The following NUP93 variants were observed in gnomAD, a reference collection of about 807,000 sequenced individuals.
The protein encoded by NUP93 is nucleoporin 93.
NUP93 carries 55 observed loss-of-function variants against 107.8 expected under a neutral mutation model. The ratio of observed to expected loss-of-function variants is 0.51; its 90% CI spans 0.41 to 0.64. NUP93 has a LOEUF of 0.64. NUP93 is among the 30% of genes least tolerant of loss of function. The probability of loss-of-function intolerance (pLI) is 0.00; values close to 1 mark genes in which losing one functional copy is unlikely to be tolerated. For synonymous variants in NUP93, 390 were observed against 397.5 expected, an observed-to-expected ratio of 0.98 and a Z score of 0.22; for missense variants, 937 against 1,044.7, an observed-to-expected ratio of 0.90 and a Z score of 1.42.
rs551273132 is a variant in NUP93 at position 56,788,260 on chromosome 16, C to T, written c.298-10216C>T. Among the ~76,000 whole-genome samples, 5 of 152,330 alleles carry T rather than the reference C, an allele frequency of 3.3e-5. No individual in the cohort carries two copies. In the South Asian group the frequency reaches 6.2e-4, roughly 19 times the overall value. ...CCAGCAGAGGCCCTTCCACCACAGC[C>T]TGGCACATCCTGCTGCATCACGGCC... On this transcript the variant is annotated intron_variant, in intron 3 of 21. Coordinates refer to ENST00000308159, the MANE Select transcript of NUP93 (RefSeq NM_014669.5).
At chr16:56,772,611 C>T (rs754292252) in intron 3 of NUP93, among the ~76,000 whole-genome samples, 1 of 152,244 alleles carries the variant, frequency 6.6e-6, no homozygotes, top group African/African-American at 2.4e-5. Flanking sequence ...GCCTTGCTGT[C>T]TATCAGAGGT....
At chr16:56,748,537 A>C in intron 2 of NUP93, 111 bp downstream of exon 2, 1 of 911,044 alleles carries the variant, frequency 1.1e-6, no homozygotes, top group African/African-American at 1.7e-5. Flanking sequence ...GCCACTAGCC[A>C]GATTCTTGGG....
At chr16:56,758,779 A>G in intron 3 of NUP93, 124 bp downstream of exon 3, 1 of 683,814 alleles carries the variant, frequency 1.5e-6, no homozygotes, top group Non-Finnish European at 2.6e-6. Flanking sequence ...TTCCTCAGAT[A>G]TTAAGAGAAC....
At chr16:56,839,816 AAAATACAGTCACTT>A (rs1309582937) in intron 20 of NUP93, 22 of 532,506 alleles carry the variant, frequency 4.1e-5, no homozygotes, top group Non-Finnish European at 7.5e-5. Context: ...CCTAATTGAG[AAAATACAGTCACTT>A]CAGTGATTGA....
chr16:56,769,560 G>A (rs1323445690), intron 3 of NUP93, among the ~76,000 whole-genome samples: 1 of 152,050 alleles, frequency 6.6e-6, no homozygotes, highest in Non-Finnish European at 1.5e-5. Flanking sequence ...CTAAAGCTCA[G>A]CCTATTATTT....
intron 8 of NUP93, among the ~76,000 whole-genome samples, chr16:56,827,536 A>G (rs1422167348): frequency 6.6e-6 from 1 of 152,232 alleles, no homozygotes; most frequent in East Asian, 1.9e-4. Context: ...AAGCAAGTGA[A>G]TCATATCTAG....
At chr16:56,843,027 T>TG (rs1964057552) in intron 21 of NUP93, among the ~76,000 whole-genome samples, 1 of 152,204 alleles carries the variant, frequency 6.6e-6, no homozygotes, top group Non-Finnish European at 1.5e-5. Flanking sequence ...CCCACAGGCA[T>TG]GGTTGTTGAC....
rs1272463760 is a variant in NUP93 at position 56,846,821 on chromosome 16, A to T, written c.*2212A>T. ...TAGAAATATAACAATGCCACAAATG[A>T]GAAGGCTCAAGTTGTTTAAATACAT... On this transcript the variant is annotated 3_prime_UTR_variant, in exon 22 of 22. Coordinates refer to ENST00000308159, the MANE Select transcript of NUP93 (RefSeq NM_014669.5). The T allele has an allele frequency of 6.6e-6, 1 of 152,244 alleles. No homozygotes were observed. The highest frequency in any genetic ancestry group is 1.5e-5 in the Non-Finnish European group (1 of 68,040). 9.4% of individuals were successfully genotyped at this position (152,244 alleles called of 1,614,324 possible).
chr16:56,830,825 A>C, intron 10 of NUP93, 140 bp downstream of exon 10: 1 of 714,830 alleles, frequency 1.4e-6, no homozygotes, highest in Non-Finnish European at 2.1e-6. Flanking sequence ...GAAAGCAAAT[A>C]GAACTCTCTT....
At chr16:56,755,505 G>A (rs1962002523) in intron 2 of NUP93, among the ~76,000 whole-genome samples, 1 of 152,032 alleles carries the variant, frequency 6.6e-6, no homozygotes, top group Admixed American at 6.6e-5. Context: ...TTGGTCAGGG[G>A]TTGCTTTTTG....
At chr16:56,774,880 AG>A (rs1459618518) in intron 3 of NUP93, among the ~76,000 whole-genome samples, 3 of 151,054 alleles carry the variant, frequency 2.0e-5, no homozygotes, top group Non-Finnish European at 4.4e-5. Flanking sequence ...CACCAGATTA[AG>A]GTTTTTTTTG....
intron 3 of NUP93, among the ~76,000 whole-genome samples, chr16:56,795,278 CCTTTAG>C (rs1293444083): frequency 6.6e-6 from 1 of 152,084 alleles, no homozygotes; most frequent in Non-Finnish European, 1.5e-5. Flanking sequence ...GACACTAAAG[CCTTTAG>C]CTTTAGCCAC....
intron 1 of NUP93, among the ~76,000 whole-genome samples, chr16:56,737,435 G>C (rs1961631774): frequency 6.6e-6 from 1 of 152,106 alleles, no homozygotes; most frequent in East Asian, 1.9e-4. Flanking sequence ...TCACATTGTG[G>C]GGTAGGGCTT....
rs1963597271 is a variant in NUP93, at chr16:56,823,721, G to C, written c.669G>C (p.Met223Ile). Residue 223 changes from methionine to isoleucine, a missense_variant, in exon 8 of 22, where the codon ATG (methionine) becomes ATC (isoleucine). Transcript: ENST00000308159. ...TTTATGTGCAGAGCATTTCCGACAT[G>C]TGGACCATGGTAAAACAAATGACAG... Reference protein sequence around the residue: ...AELDDKSISDMWTMVKQMTDV... With the variant: ...AELDDKSISDIWTMVKQMTDV... The C allele has an allele frequency of 1.9e-6, 3 of 1,614,026 alleles. No homozygotes were observed. The African/African-American group carries it at 4.0e-5, about 22-fold the overall frequency.
In NUP93 at chr16:56,845,925, C is replaced by T. The variant is rs374754101; in HGVS notation, c.*1316C>T. 1.4e-4 allele frequency: 21 copies of T among 152,334 alleles called. No homozygotes were observed. Among genetic ancestry groups the T allele is most frequent in the African/African-American group, 5.1e-4 (21 of 41,572 alleles). The allele number at this position is 152,334 out of a possible 1,614,324, so 9.4% of individuals were successfully genotyped here. The stretch of plus-strand genomic sequence containing the variant: ...TTCCATGTTCCAGGAAGGATGCGGC[C>T]TGAGGGTCAGTGGAGCTGTGTTCTG... On this transcript the variant is annotated 3_prime_UTR_variant, in exon 22 of 22. Transcript: ENST00000308159.
At chr16:56,812,518 T>C (rs1375946258) in intron 5 of NUP93, among the ~76,000 whole-genome samples, 1 of 152,136 alleles carries the variant, frequency 6.6e-6, no homozygotes, top group Admixed American at 6.6e-5. Flanking sequence ...TAATTTTTTG[T>C]ATTTTTAGTA....
chr16:56,738,401 A>T (rs1390797745), intron 1 of NUP93, among the ~76,000 whole-genome samples: 1 of 152,252 alleles, frequency 6.6e-6, no homozygotes, highest in African/African-American at 2.4e-5. Context: ...TATTTTATGT[A>T]TCAGGAAAGC....
intron 12 of NUP93, 32 bp from the exon 13 acceptor site, chr16:56,833,183 G>C (rs1304433003): frequency 6.4e-7 from 1 of 1,561,468 alleles, no homozygotes. Flanking sequence ...TTTCTAAGTT[G>C]GTTTTATCTC....
intron 17 of NUP93, 62 bp from the exon 18 acceptor site, chr16:56,837,546 A>G (rs1407454580): frequency 2.3e-6 from 3 of 1,319,602 alleles, no homozygotes; most frequent in Non-Finnish European, 3.3e-6. Flanking sequence ...GGGGCATTAT[A>G]TAGTTGTTCC....
Sources: gnomAD v4.1 joint callset for allele counts (sites outside exome capture counted in the v4.1 genomes callset) on GRCh38, gnomAD v4.1.1 for gene constraint, MANE v1.5 for transcripts, NCBI Gene and HGNC (gene_info 2026-07-23, HGNC 2026-07-21) for gene names.